Variants in PAPPA observed in about 807,000 individuals in gnomAD.
PAPPA encodes pappalysin 1.
PAPPA carries 60 observed loss-of-function variants against 164.0 expected under a neutral mutation model. The observed-to-expected ratio is 0.37, with a 90% CI of 0.30 to 0.45. The LOEUF (loss-of-function observed/expected upper bound fraction) is 0.45. PAPPA is among the 20% of genes least tolerant of loss of function. The pLI, the probability that PAPPA is intolerant of heterozygous loss-of-function variation, is 1.00. For missense variants in PAPPA, 1,782 were observed against 2,087.3 expected (o/e 0.85, Z 2.85); for synonymous variants, 875 against 814.1 (o/e 1.07, Z -1.27).
chr9:116,253,704 G>A (rs1279810540), intron 7 of PAPPA, among the ~76,000 whole-genome samples: 1 of 152,156 alleles, frequency 6.6e-6, no homozygotes, highest in African/African-American at 2.4e-5. Flanking sequence ...AAAACTGTGT[G>A]TATATAACTT....
Position 116,172,380 on chromosome 9 carries a change from C to A in PAPPA, c.416-14774C>A, listed in dbSNP as rs1360437201. On this transcript the variant is annotated intron_variant, in intron 1 of 21. Coordinates refer to ENST00000328252, the MANE Select transcript of PAPPA (RefSeq NM_002581.5). ...CGTTGCTTCCACCAGGGATGCTAAA[C>A]CTCACCACTATTAACATTTTGGAAT... Among the ~76,000 whole-genome samples the A allele has an allele frequency of 3.3e-5, 5 of 152,288 alleles. No homozygotes were observed. In the East Asian group the frequency reaches 9.7e-4, roughly 29 times the overall value.
chr9:116,392,885 T>C (rs1846913088), intron 21 of PAPPA, among the ~76,000 whole-genome samples: 1 of 152,126 alleles, frequency 6.6e-6, no homozygotes, highest in Admixed American at 6.5e-5. Flanking sequence ...ACAGTTTCTG[T>C]ATAAAGTCTA....
chr9:116,250,168 T>C (rs919521547), intron 7 of PAPPA, among the ~76,000 whole-genome samples: 1 of 152,074 alleles, frequency 6.6e-6, no homozygotes, highest in Non-Finnish European at 1.5e-5. Flanking sequence ...TAATCTTCCA[T>C]AGAACTAATA....
intron 9 of PAPPA, among the ~76,000 whole-genome samples, chr9:116,300,875 A>T (rs1248219295): frequency 4.6e-5 from 7 of 151,864 alleles, no homozygotes; most frequent in Non-Finnish European, 8.8e-5. Context: ...CTCGATGATT[A>T]TTCTAGGATG....
chr9:116,242,167 C>T (rs948583366), intron 7 of PAPPA, among the ~76,000 whole-genome samples: 2 of 151,858 alleles, frequency 1.3e-5, no homozygotes, highest in Non-Finnish European at 2.9e-5. Context: ...GTGTGAGGAG[C>T]ACGGGGGGCA....
At chr9:116,228,050 G>T (rs1222393857) in intron 6 of PAPPA, among the ~76,000 whole-genome samples, 1 of 152,088 alleles carries the variant, frequency 6.6e-6, no homozygotes, top group East Asian at 1.9e-4. Flanking sequence ...CTATTTACCT[G>T]TAAGACACAT....
intron 7 of PAPPA, among the ~76,000 whole-genome samples, chr9:116,264,207 G>C (rs922354696): frequency 6.6e-6 from 1 of 152,186 alleles, no homozygotes; most frequent in African/African-American, 2.4e-5. Flanking sequence ...ATGCTCATTA[G>C]TCTAGATGTG....
At chr9:116,202,676 G>C (rs1003858) in intron 2 of PAPPA, among the ~76,000 whole-genome samples, 1,820 of 152,234 alleles carry the variant, frequency 0.012, 40 homozygotes, top group East Asian at 0.11. Context: ...AAACTTTGTT[G>C]TTTGTACTGC....
Position 116,302,954 on chromosome 9 carries a change from A to C in PAPPA, c.3147+4A>C. 5 of 1,612,590 alleles carry C rather than the reference A, an allele frequency of 3.1e-6. No homozygotes were observed. Among genetic ancestry groups the C allele is most frequent in the Non-Finnish European group, 4.2e-6 (5 of 1,179,442 alleles). On this transcript the variant is annotated splice_donor_region_variant and intron_variant, in intron 10 of 21. Transcript: ENST00000328252. The stretch of plus-strand genomic sequence containing the variant: ...CGGACAGCCAGCAGCATCCCAGGTA[A>C]GATCCTAACCATGTGTGGCATTTCC...
intron 7 of PAPPA, among the ~76,000 whole-genome samples, chr9:116,263,199 C>G (rs751904062): frequency 3.3e-5 from 5 of 152,152 alleles, no homozygotes; most frequent in Non-Finnish European, 7.3e-5. Flanking sequence ...GGTTTCTGTA[C>G]TAATCAAATA....
chr9:116,245,350 A>T (rs978909360), intron 7 of PAPPA, among the ~76,000 whole-genome samples: 2 of 152,206 alleles, frequency 1.3e-5, no homozygotes, highest in Non-Finnish European at 2.9e-5. Context: ...TTTGTGGCTC[A>T]TGTTGAGTTT....
chr9:116,185,729 G>A (rs567009282), intron 1 of PAPPA, among the ~76,000 whole-genome samples: 1 of 152,294 alleles, frequency 6.6e-6, no homozygotes, highest in East Asian at 1.9e-4. Context: ...TAGGAAATGG[G>A]GGTTGGTGAG....
At chr9:116,315,377 G>A (rs1311916421) in intron 10 of PAPPA, among the ~76,000 whole-genome samples, 1 of 152,208 alleles carries the variant, frequency 6.6e-6, no homozygotes, top group Non-Finnish European at 1.5e-5. Context: ...GAGAAGGGTT[G>A]TTTGGTAACT....
At chr9:116,169,224 T>G (rs1354265398) in intron 1 of PAPPA, among the ~76,000 whole-genome samples, 2 of 151,496 alleles carry the variant, frequency 1.3e-5, no homozygotes, top group Non-Finnish European at 2.9e-5. Context: ...TCTCTTCCTC[T>G]CTTTCTTTCC....
At chr9:116,336,584 A>G (rs1015959032) in intron 13 of PAPPA, among the ~76,000 whole-genome samples, 3 of 152,222 alleles carry the variant, frequency 2.0e-5, no homozygotes, top group African/African-American at 7.2e-5. Flanking sequence ...AAGTTGACTG[A>G]GGCCCAGACT....
chr9:116,314,831 G>A (rs112816003), intron 10 of PAPPA, among the ~76,000 whole-genome samples: 3 of 152,284 alleles, frequency 2.0e-5, no homozygotes, highest in African/African-American at 7.2e-5. Context: ...CTCAGCCCAT[G>A]AGCAGCCTCC....
In PAPPA at chr9:116,396,796, C is replaced by T. The variant is rs1042508485; in HGVS notation, c.*180C>T. On this transcript the variant is annotated 3_prime_UTR_variant, in exon 22 of 22. Coordinates refer to ENST00000328252, the MANE Select transcript of PAPPA (RefSeq NM_002581.5). Reference sequence around the variant, plus strand: ...ACATTGGGGCGAATGAACCAAGTTTCGCCATGCTGGATGATGAAATGGATT... The same window carrying T: ...ACATTGGGGCGAATGAACCAAGTTTTGCCATGCTGGATGATGAAATGGATT... 6.5e-5 allele frequency: 38 copies of T among 586,236 alleles called. No homozygotes were observed. The Middle Eastern group carries it at 1.3e-3, about 21-fold the overall frequency. The allele number at this position is 586,236 out of a possible 1,614,324, so 36.3% of individuals were successfully genotyped here. A position where few individuals can be genotyped will look rare whatever the true frequency, so the allele number is the denominator to read the frequency against.
In PAPPA at chr9:116,182,295, C is replaced by A. The variant is rs556943645; in HGVS notation, c.416-4859C>A. ...AAGTATCCCCCTGCTCCCTTTCTTT[C>A]TTTCTTTTTAACTTTCAATAACAAA... On this transcript the variant is annotated intron_variant, in intron 1 of 21. Transcript: ENST00000328252. 1.4e-3 allele frequency among the ~76,000 whole-genome samples: 207 copies of A among 152,312 alleles called. 2 individuals carry two copies. Among genetic ancestry groups the A allele is most frequent in the African/African-American group, 4.6e-3 (193 of 41,578 alleles).
chr9:116,370,531 C>T (rs993944106), intron 19 of PAPPA, among the ~76,000 whole-genome samples: 2 of 151,876 alleles, frequency 1.3e-5, no homozygotes, highest in African/African-American at 4.8e-5. Context: ...AAACATTAGA[C>T]TCTGCTTTGT....
Sources: allele counts gnomAD v4.1 joint callset (sites outside exome capture counted in the v4.1 genomes callset), GRCh38; gene constraint gnomAD v4.1.1; transcripts MANE v1.5; gene names NCBI Gene and HGNC (gene_info 2026-07-23, HGNC 2026-07-21).